TICAM2: variants seen among roughly 807,000 people sequenced by gnomAD.
TICAM2 encodes the protein TIR domain containing adaptor molecule 2, also known as TIR domain-containing adapter molecule 2.
Under a neutral mutation model 7.3 loss-of-function variants are expected in TICAM2, and 8 were observed. The observed-to-expected ratio is 1.10, with a 90% CI of 0.65 to 1.99. The LOEUF is 1.99. TICAM2 is among the 30% of genes most tolerant of loss of function. The pLI is 0.00. For synonymous variants in TICAM2, 113 were observed against 99.6 expected (o/e 1.13, Z -0.80); for missense variants, 304 against 278.8 (o/e 1.09, Z -0.65).
chr5:115,584,165 C>A (rs1336114294), intron 1 of TICAM2, among the ~76,000 whole-genome samples: 7 of 151,878 alleles, frequency 4.6e-5, no homozygotes, highest in Admixed American at 2.6e-4. Flanking sequence ...ATTTTTCTTT[C>A]CTTTTTTCAA....
At chr5:115,585,408 A>G (rs1755068472) in intron 1 of TICAM2, among the ~76,000 whole-genome samples, 2 of 152,214 alleles carry the variant, frequency 1.3e-5, no homozygotes, top group African/African-American at 4.8e-5. Context: ...ATGTAAATCA[A>G]CTACATCAGT....
At chr5:115,600,047 G>A (rs1036212339) in intron 1 of TICAM2, among the ~76,000 whole-genome samples, 1 of 152,166 alleles carries the variant, frequency 6.6e-6, no homozygotes, top group Non-Finnish European at 1.5e-5. Flanking sequence ...GAGAGGGAGA[G>A]AGAGGTGGGC....
In TICAM2 at chr5:115,580,719, G is replaced by A. The variant is rs1328758493; in HGVS notation, c.538C>T (p.Leu180Phe). The A allele has an allele frequency of 6.2e-7, 1 of 1,600,132 alleles. No individual in the cohort carries two copies. The highest frequency in any genetic ancestry group is 8.5e-7 in the Non-Finnish European group (1 of 1,174,766). ...VIPMRPLNNP[L>F]PRERTPFALQ... is the part of the protein sequence containing the mutation. ...GCAAAGGGAGTCCTTTCTCGGGGAA[G>A]GGGATTGTTCAGGGGCCGCATGGGT... Residue 180 changes from leucine to phenylalanine, a missense_variant, in exon 2 of 2, where the codon CTT (leucine) becomes TTT (phenylalanine). By Grantham distance (22) the Leu-to-Phe change is conservative. Transcript: ENST00000427199.
At chr5:115,589,194 A>G (rs1755216705) in intron 1 of TICAM2, among the ~76,000 whole-genome samples, 1 of 152,200 alleles carries the variant, frequency 6.6e-6, no homozygotes, top group Admixed American at 6.5e-5. Context: ...CAGAAACCAT[A>G]TGGCCCATAA....
chr5:115,587,132 A>C (rs1252946668), intron 1 of TICAM2, among the ~76,000 whole-genome samples: 1 of 152,220 alleles, frequency 6.6e-6, no homozygotes, highest in African/African-American at 2.4e-5. Flanking sequence ...AAGTAAGAGC[A>C]GGGGAAAGGT....
Position 115,580,471 on chromosome 5 carries a change from C to G in TICAM2, c.*78G>C. The G allele has an allele frequency of 7.0e-7, 1 of 1,433,314 alleles. No individual in the cohort carries two copies. Among genetic ancestry groups the G allele is most frequent in the Non-Finnish European group, 9.2e-7 (1 of 1,091,744 alleles). The allele number at this position is 1,433,314 out of a possible 1,614,324, so 88.8% of individuals were successfully genotyped here. A position where few individuals can be genotyped will look rare whatever the true frequency, so the allele number is the denominator to read the frequency against. ...AGACTCTCTTTTATTTAAACATTTC[C>G]TAGAAACTGCTTTCTCAAGTGAAGA... On this transcript the variant is annotated 3_prime_UTR_variant, in exon 2 of 2. Transcript: ENST00000427199.
intron 1 of TICAM2, among the ~76,000 whole-genome samples, chr5:115,588,564 G>A (rs1204694959): frequency 6.6e-6 from 1 of 152,162 alleles, no homozygotes; most frequent in East Asian, 1.9e-4. Context: ...GTGGTGTTCT[G>A]TAGATCTGCT....
At chr5:115,594,857 A>G (rs1292044955) in intron 1 of TICAM2, among the ~76,000 whole-genome samples, 1 of 152,220 alleles carries the variant, frequency 6.6e-6, no homozygotes, top group Non-Finnish European at 1.5e-5. Context: ...GAACTGAAAT[A>G]AATGCTGGCT....
At position 115,601,120 on chromosome 5, in the gene TICAM2, T is replaced by C. The variant is rs915827682; in HGVS notation, c.-60+977A>G. 2.0e-5 allele frequency among the ~76,000 whole-genome samples: 3 copies of C among 151,670 alleles called. No homozygotes were observed. In the East Asian group the frequency reaches 5.8e-4, roughly 29 times the overall value. Reference sequence around the variant, plus strand: ...GAATGAGATATAAAGTGGAGTTGCTTAACTCCATTTATAACCATCCTACTA... The same window carrying C: ...GAATGAGATATAAAGTGGAGTTGCTCAACTCCATTTATAACCATCCTACTA... On this transcript the variant is annotated intron_variant, in intron 1 of 1. Transcript: ENST00000427199.
chr5:115,591,176 T>A (rs551803398), intron 1 of TICAM2, among the ~76,000 whole-genome samples: 1 of 152,236 alleles, frequency 6.6e-6, no homozygotes, highest in African/African-American at 2.4e-5. Flanking sequence ...CCCTAGAGTA[T>A]TTTTCAATTT....
At chr5:115,582,540 A>C (rs1301901087) in intron 1 of TICAM2, among the ~76,000 whole-genome samples, 2 of 152,128 alleles carry the variant, frequency 1.3e-5, no homozygotes, top group Admixed American at 6.5e-5. Context: ...CTGTGAAAGA[A>C]AAGTATACCA....
At position 115,580,620 on chromosome 5, in the gene TICAM2, A is replaced by C; in HGVS notation, c.637T>G (p.Ser213Ala). Residue 213 changes from serine (S) to alanine (A), a missense_variant, in exon 2 of 2, where the codon TCT becomes GCT. By Grantham distance (99) the Ser-to-Ala change is moderately conservative (BLOSUM62 1). Coordinates refer to ENST00000427199, the MANE Select transcript of TICAM2 (RefSeq NM_021649.7). ...PTQVERIFQESVYKTQQTIWK... is the reference protein window; with the variant it reads ...PTQVERIFQEAVYKTQQTIWK... ...ATAGTTTGTTGTGTCTTATACACAG[A>C]CTCCTGAAAAATTCTTTCTACTTGT... The C allele has an allele frequency of 6.3e-7, 1 of 1,592,138 alleles. No homozygotes were observed. The highest frequency in any genetic ancestry group is 8.5e-7 in the Non-Finnish European group (1 of 1,173,160).
At position 115,581,278 on chromosome 5, in the gene TICAM2, A is replaced by T. The variant is rs752281021; in HGVS notation, c.-22T>A. 3 of 1,602,464 alleles carry T rather than the reference A, an allele frequency of 1.9e-6. No individual in the cohort carries two copies. In the Admixed American group the frequency reaches 5.0e-5, roughly 27 times the overall value. ...CCATTATAAATATCCAAGGCAGAAG[A>T]GGAAAACTTTATGTATTTCTCAGCA... On this transcript the variant is annotated 5_prime_UTR_variant, in exon 2 of 2. Coordinates refer to ENST00000427199, the MANE Select transcript of TICAM2 (RefSeq NM_021649.7).
Position 115,585,304 on chromosome 5 carries a change from G to C in TICAM2, c.-59-3989C>G, listed in dbSNP as rs1423443158. ...TTATACAACAAATGTTTATATTTTA[G>C]GGTGGTGCTAGTCAAAGCGTAGTCC... On this transcript the variant is annotated intron_variant, in intron 1 of 1. Transcript: ENST00000427199. Among the ~76,000 whole-genome samples the C allele has an allele frequency of 2.0e-5, 3 of 152,196 alleles. No homozygotes were observed. The East Asian group carries it at 5.8e-4, about 29-fold the overall frequency.
At position 115,580,442 on chromosome 5, in the gene TICAM2, G is replaced by A; in HGVS notation, c.*107C>T. ...CTTGTGCTCCATAGGTTTCTTTAAGGTGAAGACTCTCTTTTATTTAAACAT... is the reference window on the plus strand; with the variant it reads ...CTTGTGCTCCATAGGTTTCTTTAAGATGAAGACTCTCTTTTATTTAAACAT... On this transcript the variant is annotated 3_prime_UTR_variant, in exon 2 of 2. Transcript: ENST00000427199. 2 of 1,345,854 alleles carry A rather than the reference G, an allele frequency of 1.5e-6. No individual in the cohort carries two copies. The highest frequency in any genetic ancestry group is 2.5e-4 in the Middle Eastern group (1 of 3,936). The allele number at this position is 1,345,854 out of a possible 1,614,324, so 83.4% of individuals were successfully genotyped here.
In TICAM2 at chr5:115,580,183, C is replaced by G. The variant is rs1406677674; in HGVS notation, c.*366G>C. 1 of 168,890 alleles carries G rather than the reference C, an allele frequency of 5.9e-6. No homozygotes were observed. 10.5% of individuals were successfully genotyped at this position (168,890 alleles called of 1,614,324 possible). A position where few individuals can be genotyped will look rare whatever the true frequency, so the allele number is the denominator to read the frequency against. On this transcript the variant is annotated 3_prime_UTR_variant, in exon 2 of 2. Transcript: ENST00000427199. The stretch of plus-strand genomic sequence containing the variant: ...TCCTGGGGCCATTTTTTTTCTGTGT[C>G]CTTTGAGATCAAAATTCAGAGAATA...
rs1370583768 is a variant in TICAM2 at position 115,579,064 on chromosome 5, G to C, written c.*1485C>G. The C allele has an allele frequency of 6.6e-6, 1 of 152,530 alleles. No homozygotes were observed. Among genetic ancestry groups the C allele is most frequent in the Admixed American group, 6.5e-5 (1 of 15,286 alleles). 9.4% of individuals were successfully genotyped at this position (152,530 alleles called of 1,614,324 possible). On this transcript the variant is annotated 3_prime_UTR_variant, in exon 2 of 2. Transcript: ENST00000427199. ...AATTAAGCAAAATGTCTTTACTCAA[G>C]GATCTCTATAAAAATTTATTTTTAA...
intron 1 of TICAM2, among the ~76,000 whole-genome samples, chr5:115,583,414 A>G (rs1339331361): frequency 6.6e-6 from 1 of 152,236 alleles, no homozygotes; most frequent in African/African-American, 2.4e-5. Context: ...ATAAAAACAA[A>G]GAATTACAAC....
intron 1 of TICAM2, among the ~76,000 whole-genome samples, chr5:115,584,774 T>C (rs1246353140): frequency 6.6e-6 from 1 of 152,120 alleles, no homozygotes; most frequent in Non-Finnish European, 1.5e-5. Flanking sequence ...ATCCAAATGG[T>C]ACCCTTAAAC....
Sources: gnomAD v4.1 joint callset for allele counts (sites outside exome capture counted in the v4.1 genomes callset) on GRCh38, gnomAD v4.1.1 for gene constraint, MANE v1.5 for transcripts, NCBI Gene and HGNC (gene_info 2026-07-23, HGNC 2026-07-21) for gene names.